ZMYM2: variants seen among roughly 807,000 people sequenced by gnomAD.
The protein encoded by ZMYM2 is zinc finger MYM-type protein 2.
ZMYM2 carries 56 observed loss-of-function variants against 162.8 expected under a neutral mutation model. The ratio of observed to expected loss-of-function variants is 0.34; its 90% CI spans 0.28 to 0.43. The LOEUF (loss-of-function observed/expected upper bound fraction) is 0.43, where lower values mean the gene tolerates loss of function less well. Ranked by LOEUF, ZMYM2 falls within the 20% of genes least tolerant of loss-of-function variation. ZMYM2 has a pLI of 1.00. For missense variants in ZMYM2, 1,275 were observed against 1,621.8 expected (o/e 0.79, Z 3.67); for synonymous variants, 510 against 541.6 (o/e 0.94, Z 0.81).
At chr13:19,891,324 A>C in the ZMYM2 span, among the ~76,000 whole-genome samples, 1 of 151,886 alleles carries the variant, frequency 6.6e-6, no homozygotes, top group South Asian at 2.1e-4. Context: ...GCCTCACCAG[A>C]TATCAACCTT....
chr13:20,033,574 A>G (rs1953398320), intron 10 of ZMYM2, among the ~76,000 whole-genome samples: 1 of 152,238 alleles, frequency 6.6e-6, no homozygotes, highest in Non-Finnish European at 1.5e-5. Context: ...ACTGTAAAGT[A>G]AATGGTTTAG....
intron 12 of ZMYM2, among the ~76,000 whole-genome samples, chr13:20,050,143 G>A (rs904831373): frequency 4.6e-5 from 7 of 151,750 alleles, no homozygotes; most frequent in Admixed American, 3.3e-4. Flanking sequence ...GACAAGAGTT[G>A]TGATATTGCA....
the ZMYM2 span, among the ~76,000 whole-genome samples, chr13:19,915,418 T>TCTTTCTTTCTTTCTTTCTTTCTTC: frequency 6.6e-6 from 1 of 151,398 alleles, no homozygotes; most frequent in Non-Finnish European, 1.5e-5. Flanking sequence ...GCTTGCTTTT[T>TCTTTCTTTCTTTCTTTCTTTCTTC]CTTTCTTTCT....
chr13:20,003,225 G>A (rs938078096), intron 4 of ZMYM2, 90 bp downstream of exon 4: 26 of 1,424,302 alleles, frequency 1.8e-5, no homozygotes, highest in Non-Finnish European at 2.3e-5. Context: ...TAATACCTTT[G>A]GAAACTTCCC....
chr13:20,005,511 C>T (rs1363880279), intron 5 of ZMYM2, among the ~76,000 whole-genome samples: 1 of 151,990 alleles, frequency 6.6e-6, no homozygotes, highest in Non-Finnish European at 1.5e-5. Context: ...CACTCACAGA[C>T]AAAACCATAG....
intron 3 of ZMYM2, among the ~76,000 whole-genome samples, chr13:19,995,000 A>AT (rs1414319551): frequency 1.5e-3 from 45 of 29,844 alleles, no homozygotes; most frequent in South Asian, 0.014. Flanking sequence ...GCCTGGCTAA[A>AT]TTAAAAAAAA....
chr13:20,004,227 C>A (rs1407389437), intron 4 of ZMYM2, among the ~76,000 whole-genome samples: 1 of 152,018 alleles, frequency 6.6e-6, no homozygotes, highest in Non-Finnish European at 1.5e-5. Context: ...AGGAAAACTT[C>A]AAAGGTCATC....
chr13:19,912,295 T>G, the ZMYM2 span, among the ~76,000 whole-genome samples: 6 of 97,060 alleles, frequency 6.2e-5, no homozygotes, highest in East Asian at 6.6e-4. Flanking sequence ...TTTTTGGGTT[T>G]TTTTTTTTTT....
At chr13:19,987,720 A>G (rs561706780) in intron 2 of ZMYM2, among the ~76,000 whole-genome samples, 3 of 150,348 alleles carry the variant, frequency 2.0e-5, no homozygotes, top group African/African-American at 4.9e-5. Context: ...AGCTCAGACA[A>G]TCTGCCCGCC....
the ZMYM2 span, among the ~76,000 whole-genome samples, chr13:19,952,851 T>C: frequency 3.3e-5 from 5 of 152,146 alleles, no homozygotes; most frequent in South Asian, 2.1e-4. Context: ...GTCACTACTA[T>C]GGTTTGAATA....
At chr13:19,997,738 G>A (rs953755607) in intron 3 of ZMYM2, among the ~76,000 whole-genome samples, 5 of 151,810 alleles carry the variant, frequency 3.3e-5, no homozygotes, top group African/African-American at 9.7e-5. Flanking sequence ...TTGTCTTACC[G>A]CTGAGAATCA....
chr13:20,029,308 G>A (rs1952863343), intron 9 of ZMYM2, among the ~76,000 whole-genome samples: 1 of 152,188 alleles, frequency 6.6e-6, no homozygotes, highest in Non-Finnish European at 1.5e-5. Context: ...AGATCACGAG[G>A]GTGGAGCTCT....
At chr13:20,027,747 A>G (rs1381312531) in intron 9 of ZMYM2, among the ~76,000 whole-genome samples, 1 of 152,122 alleles carries the variant, frequency 6.6e-6, no homozygotes, top group Non-Finnish European at 1.5e-5. Flanking sequence ...GATTTTTTAC[A>G]CTAGGCCTTA....
chr13:19,966,798 T>C (rs958079099), intron 2 of ZMYM2, among the ~76,000 whole-genome samples: 3 of 152,196 alleles, frequency 2.0e-5, no homozygotes, highest in Admixed American at 6.5e-5. Context: ...TATAGGAAAA[T>C]CATGATTATA....
the ZMYM2 span, among the ~76,000 whole-genome samples, chr13:19,909,580 G>C: frequency 6.6e-6 from 1 of 151,790 alleles, no homozygotes; most frequent in Non-Finnish European, 1.5e-5. Flanking sequence ...TTACAGGCAC[G>C]TGACACCACA....
At chr13:20,045,158 AT>A (rs1451740521) in intron 12 of ZMYM2, among the ~76,000 whole-genome samples, 1 of 152,028 alleles carries the variant, frequency 6.6e-6, no homozygotes, top group Non-Finnish European at 1.5e-5. Flanking sequence ...GGAGAACAGT[AT>A]TTAGTTTACT....
chr13:19,944,880 A>G, the ZMYM2 span, among the ~76,000 whole-genome samples: 1 of 152,112 alleles, frequency 6.6e-6, no homozygotes, highest in Admixed American at 6.6e-5. Context: ...TATATTGGCC[A>G]GGCTGGTCTC....
At chr13:19,906,412 G>A in the ZMYM2 span, among the ~76,000 whole-genome samples, 6 of 142,062 alleles carry the variant, frequency 4.2e-5, no homozygotes, top group Admixed American at 1.5e-4. Flanking sequence ...TATATATGCC[G>A]TTTGCTAGCT....
chr13:20,031,893 C>G (rs1287868476), intron 10 of ZMYM2, among the ~76,000 whole-genome samples: 1 of 79,406 alleles, frequency 1.3e-5, no homozygotes, highest in Non-Finnish European at 2.4e-5. Context: ...CTTTTTTTCT[C>G]AGAGTCTTGC....
Sources: allele counts gnomAD v4.1 joint callset (sites outside exome capture counted in the v4.1 genomes callset), GRCh38; gene constraint gnomAD v4.1.1; transcripts MANE v1.5; gene names NCBI Gene and HGNC (gene_info 2026-07-23, HGNC 2026-07-21).